Variants in APC observed in about 807,000 individuals in gnomAD.
APC encodes the protein adenomatous polyposis coli protein.
In APC, 72 loss-of-function variants were observed where a neutral mutation model predicts 247.0. The observed-to-expected ratio is 0.29, with a 90% CI of 0.24 to 0.35. The LOEUF (loss-of-function observed/expected upper bound fraction) is 0.35. APC is among the 10% of genes least tolerant of loss of function. The pLI is 1.00. For missense variants in APC, 3,400 were observed against 3,360.7 expected (o/e 1.01, Z -0.29); for synonymous variants, 1,254 against 1,162.5 (o/e 1.08, Z -1.60).
At chr5:112,722,929 T>G (rs535120139) in intron 1 of APC, among the ~76,000 whole-genome samples, 1 of 152,194 alleles carries the variant, frequency 6.6e-6, no homozygotes, top group African/African-American at 2.4e-5. Context: ...GGACAAAAAG[T>G]GCGTGATCTA....
At position 112,842,218 on chromosome 5, in the gene APC, A is replaced by G. The variant is rs886059798; in HGVS notation, c.6624A>G (p.Glu2208=). 1.9e-6 allele frequency: 3 copies of G among 1,613,766 alleles called. No individual in the cohort carries two copies. The highest frequency in any genetic ancestry group is 1.6e-4 in the Middle Eastern group (1 of 6,084). Residue 2208 remains glutamate, a synonymous_variant, in exon 16 of 16, where the codon GAA becomes GAG. Transcript: ENST00000257430. Reference sequence around the variant, plus strand: ...CTGGAAAAGTTCGATCTAATTCAGAAATTTCAGGCCAAATGAAACAGCCCC... The same window carrying G: ...CTGGAAAAGTTCGATCTAATTCAGAGATTTCAGGCCAAATGAAACAGCCCC... ...LITGKVRSNS[E]ISGQMKQPLQ...
intron 1 of APC, among the ~76,000 whole-genome samples, chr5:112,730,284 T>C (rs1036479415): frequency 6.6e-6 from 1 of 152,198 alleles, no homozygotes; most frequent in African/African-American, 2.4e-5. Flanking sequence ...AGCATCAGAA[T>C]GATAACAGTT....
Position 112,831,054 on chromosome 5 carries a change from C to T in APC, c.1743+2082C>T, listed in dbSNP as rs113825126. On this transcript the variant is annotated intron_variant, in intron 14 of 15. Coordinates refer to ENST00000257430, the MANE Select transcript of APC (RefSeq NM_000038.6). ...TGTGTGTGTGTATTATGAGAATTTG[C>T]ACTGCTGCTAACTGGTTCATGACTT... 4.9e-3 allele frequency among the ~76,000 whole-genome samples: 752 copies of T among 152,262 alleles called. 8 individuals carry two copies. The highest frequency in any genetic ancestry group is 0.017 in the African/African-American group (719 of 41,544).
chr5:112,799,514 A>G (rs1453362413), intron 7 of APC, among the ~76,000 whole-genome samples: 1 of 152,072 alleles, frequency 6.6e-6, no homozygotes, highest in Non-Finnish European at 1.5e-5. Flanking sequence ...TCACACTTAT[A>G]TTAATACATT....
At chr5:112,726,051 G>T (rs567691872) in intron 1 of APC, among the ~76,000 whole-genome samples, 1 of 152,290 alleles carries the variant, frequency 6.6e-6, no homozygotes, top group East Asian at 1.9e-4. Context: ...CCTTATGGGA[G>T]GGGGAGCACA....
At chr5:112,759,467 C>G (rs966536739) in intron 2 of APC, among the ~76,000 whole-genome samples, 12 of 150,324 alleles carry the variant, frequency 8.0e-5, no homozygotes, top group African/African-American at 2.9e-4. Flanking sequence ...AAGCTAATCT[C>G]CTGCCTCAGC....
chr5:112,745,437 A>G (rs146756538), intron 1 of APC, among the ~76,000 whole-genome samples: 6 of 152,144 alleles, frequency 3.9e-5, no homozygotes, highest in Non-Finnish European at 8.8e-5. Flanking sequence ...TGGAATGTAG[A>G]TAAGGCTGTA....
intron 5 of APC, chr5:112,778,110 G>C (rs1757874978): frequency 4.7e-6 from 1 of 211,396 alleles, no homozygotes; most frequent in African/African-American, 2.3e-5. Flanking sequence ...AGATTCTTCC[G>C]GCTCTGCCTC....
chr5:112,802,353 G>A (rs1760918262), intron 8 of APC, among the ~76,000 whole-genome samples: 1 of 152,020 alleles, frequency 6.6e-6, no homozygotes, highest in Admixed American at 6.6e-5. Context: ...TAGGACAAAG[G>A]CAATCATGTT....
chr5:112,790,955 T>A (rs1759515658), intron 6 of APC, among the ~76,000 whole-genome samples: 1 of 152,156 alleles, frequency 6.6e-6, no homozygotes, highest in Non-Finnish European at 1.5e-5. Flanking sequence ...AATTTTTGAT[T>A]TCTCAATATT....
intron 1 of APC, among the ~76,000 whole-genome samples, chr5:112,741,019 C>T (rs1314808523): frequency 1.3e-5 from 2 of 151,994 alleles, no homozygotes; most frequent in African/African-American, 4.8e-5. Context: ...AATCTGAAAC[C>T]TACCTATGCA....
chr5:112,810,741 C>G (rs1761903162), intron 8 of APC, among the ~76,000 whole-genome samples: 1 of 152,156 alleles, frequency 6.6e-6, no homozygotes, highest in Non-Finnish European at 1.5e-5. Context: ...AAAGTGATAA[C>G]CACAAGAAAT....
intron 1 of APC, among the ~76,000 whole-genome samples, chr5:112,721,825 G>A (rs1751498317): frequency 6.6e-6 from 1 of 152,022 alleles, no homozygotes; most frequent in Non-Finnish European, 1.5e-5. Context: ...CAAATTTTAT[G>A]TCTTGGGCCA....
At chr5:112,763,148 C>T (rs1755853064) in intron 2 of APC, among the ~76,000 whole-genome samples, 1 of 151,980 alleles carries the variant, frequency 6.6e-6, no homozygotes, top group South Asian at 2.1e-4. Context: ...ACAATGTGTA[C>T]AGAAATTTTT....
At chr5:112,722,390 A>G (rs1211384671) in intron 1 of APC, among the ~76,000 whole-genome samples, 1 of 152,222 alleles carries the variant, frequency 6.6e-6, no homozygotes, top group Admixed American at 6.5e-5. Flanking sequence ...GAAATTTACC[A>G]ATTAAATGAA....
intron 1 of APC, among the ~76,000 whole-genome samples, chr5:112,718,813 T>G (rs959110229): frequency 6.6e-6 from 1 of 152,246 alleles, no homozygotes; most frequent in Non-Finnish European, 1.5e-5. Context: ...TCCAAATATT[T>G]CTTTGACTAA....
At chr5:112,773,300 G>C (rs1339977925) in intron 4 of APC, among the ~76,000 whole-genome samples, 1 of 152,118 alleles carries the variant, frequency 6.6e-6, no homozygotes, top group Non-Finnish European at 1.5e-5. Flanking sequence ...AACTTTTAAA[G>C]TAATAGTATC....
upstream of APC, among the ~76,000 whole-genome samples, chr5:112,734,424 G>A (rs552814735): frequency 1.3e-5 from 2 of 152,082 alleles, no homozygotes; most frequent in Middle Eastern, 3.4e-3. Context: ...TATAAGATCC[G>A]AACACTGAAA....
In APC at chr5:112,819,105, A is replaced by G. The variant is rs1064793508; in HGVS notation, c.1073A>G (p.Gln358Arg). 5 of 1,614,162 alleles carry G rather than the reference A, an allele frequency of 3.1e-6. No homozygotes were observed. ...RQSGCLPLLI[Q>R]LLHGNDKDSV... is the part of the protein sequence containing the mutation. The stretch of plus-strand genomic sequence containing the variant: ...TCTGGATGTCTTCCTCTCCTCATCC[A>G]GCTTTTACATGGCAATGACAAAGAC... The change falls in exon 10 of 16, where the codon CAG (glutamine) becomes CGG (arginine). Residue 358 changes from glutamine to arginine, a missense_variant. Around this residue, in one of 9 missense-constraint regions of APC, gnomAD observed 199 missense variants for 212.5 expected, o/e 0.94. Coordinates refer to ENST00000257430, the MANE Select transcript of APC (RefSeq NM_000038.6).
Sources: allele counts gnomAD v4.1 joint callset (sites outside exome capture counted in the v4.1 genomes callset), GRCh38; gene constraint gnomAD v4.1.1; regional missense constraint gnomAD v4.1.1; transcripts MANE v1.5; gene names NCBI Gene and HGNC (gene_info 2026-07-23, HGNC 2026-07-21).